Variants in LRP1B observed in about 807,000 individuals in gnomAD.
The protein encoded by LRP1B is LDL receptor related protein 1B.
A neutral mutation model predicts 556.6 loss-of-function variants in LRP1B; 217 were observed. That is an observed-to-expected ratio of 0.39 (90% confidence interval 0.35 to 0.44). The LOEUF is 0.44. Ranked by LOEUF, LRP1B falls within the 20% of genes least tolerant of loss-of-function variation. The pLI, the probability that LRP1B is intolerant of heterozygous loss-of-function variation, is 1.00. For synonymous variants in LRP1B, 2,047 were observed against 1,865.8 expected, an observed-to-expected ratio of 1.10 and a Z score of -2.50; for missense variants, 5,053 against 5,620.8, an observed-to-expected ratio of 0.90 and a Z score of 3.23.
rs140187427 is a variant in LRP1B, at chr2:141,148,850, G to A, written c.1013+39571C>T. On this transcript the variant is annotated intron_variant, in intron 7 of 90. Coordinates refer to ENST00000389484, the MANE Select transcript of LRP1B (RefSeq NM_018557.3). ...TGTAATCCCAACACTGTGGGAGGCC[G>A]AGGCAGGCGGATCACTTGAGGTTGG... is the stretch of plus-strand genomic sequence containing the variant. Among the ~76,000 whole-genome samples the A allele has an allele frequency of 6.7e-4, 102 of 152,274 alleles. 2 individuals carry two copies. In the East Asian group the frequency reaches 9.1e-3, roughly 14 times the overall value.
chr2:141,915,781 C>G, intron 1 of LRP1B, among the ~76,000 whole-genome samples: 1 of 152,180 alleles, frequency 6.6e-6, no homozygotes, highest in Non-Finnish European at 1.5e-5. Flanking sequence ...AAGACATCAA[C>G]AGGCACTTCT....
At chr2:140,786,503 T>C (rs768885877) in intron 32 of LRP1B, among the ~76,000 whole-genome samples, 10 of 152,234 alleles carry the variant, frequency 6.6e-5, no homozygotes, top group Non-Finnish European at 1.2e-4. Context: ...GCTTCTCTTC[T>C]GTGTGGGAGC....
At chr2:141,495,395 A>G (rs1683476161) in intron 2 of LRP1B, among the ~76,000 whole-genome samples, 1 of 152,138 alleles carries the variant, frequency 6.6e-6, no homozygotes, top group Non-Finnish European at 1.5e-5. Context: ...CTGAAACAAG[A>G]AGGTTAAGAA....
intron 1 of LRP1B, among the ~76,000 whole-genome samples, chr2:141,974,187 A>G (rs1463254865): frequency 6.7e-6 from 1 of 150,116 alleles, no homozygotes; most frequent in Non-Finnish European, 1.5e-5. Context: ...GAGAAACTCT[A>G]CACCCAGAAC....
At chr2:140,456,663 A>C in intron 61 of LRP1B, 60 bp from the exon 62 acceptor site, 2 of 1,483,700 alleles carry the variant, frequency 1.3e-6, no homozygotes, top group Non-Finnish European at 1.8e-6. Flanking sequence ...ATAATATAAC[A>C]TGGGATTAGA....
rs1156302770 is a variant in LRP1B at position 141,570,685 on chromosome 2, CTA to C, written c.206-90154_206-90153del. ...GTTGGGGGAAGGGCGGCATCCATCT[CTA>C]TAGCTTCAGGCTGTGCTTTTCCCCC... On this transcript the variant is annotated intron_variant, in intron 2 of 90. Transcript: ENST00000389484. 1.3e-5 allele frequency among the ~76,000 whole-genome samples: 2 copies of C among 151,376 alleles called. 1 individual carries two copies. Among genetic ancestry groups the C allele is most frequent in the Non-Finnish European group, 3.0e-5 (2 of 67,476 alleles).
chr2:141,059,414 C>T (rs1699276701), intron 8 of LRP1B, among the ~76,000 whole-genome samples: 1 of 151,646 alleles, frequency 6.6e-6, no homozygotes, highest in Non-Finnish European at 1.5e-5. Flanking sequence ...ATTTTAAGGG[C>T]TACTTGTTTA....
intron 1 of LRP1B, among the ~76,000 whole-genome samples, chr2:142,008,771 A>G (rs1574588213): frequency 6.6e-6 from 1 of 151,892 alleles, no homozygotes; most frequent in African/African-American, 2.4e-5. Context: ...CTGAATCTTA[A>G]TTTTTACTCA....
intron 43 of LRP1B, among the ~76,000 whole-genome samples, chr2:140,581,349 T>C (rs7600406): frequency 0.63 from 95,490 of 151,994 alleles, 30,220 homozygotes; most frequent in Admixed American, 0.7. Flanking sequence ...TAACTATTTC[T>C]TTTCCAACTC....
intron 1 of LRP1B, among the ~76,000 whole-genome samples, chr2:142,036,492 A>G (rs530208765): frequency 1.4e-4 from 22 of 151,790 alleles, no homozygotes; most frequent in Admixed American, 5.9e-4. Flanking sequence ...TGGTATTATT[A>G]TAATGGACAG....
At chr2:141,183,409 T>C (rs535612182) in intron 7 of LRP1B, among the ~76,000 whole-genome samples, 2 of 152,182 alleles carry the variant, frequency 1.3e-5, no homozygotes, top group South Asian at 4.1e-4. Flanking sequence ...ATTCAATCTT[T>C]AATTTCTCAG....
chr2:141,699,490 A>G (rs1053548990), intron 2 of LRP1B, among the ~76,000 whole-genome samples: 3 of 151,728 alleles, frequency 2.0e-5, no homozygotes, highest in African/African-American at 7.3e-5. Context: ...TACAATTTTG[A>G]GCCGCTTAAT....
At chr2:142,077,854 T>C (rs1574659534) in intron 1 of LRP1B, among the ~76,000 whole-genome samples, 1 of 152,158 alleles carries the variant, frequency 6.6e-6, no homozygotes, top group African/African-American at 2.4e-5. Flanking sequence ...AAAAGTGAAT[T>C]AGTTTAATGG....
chr2:141,504,962 T>A (rs1346708157), intron 2 of LRP1B, among the ~76,000 whole-genome samples: 1 of 152,096 alleles, frequency 6.6e-6, no homozygotes, highest in Non-Finnish European at 1.5e-5. Flanking sequence ...AGATAGGACA[T>A]TTCCATCCTC....
intron 83 of LRP1B, among the ~76,000 whole-genome samples, chr2:140,306,258 A>G (rs1684060637): frequency 6.6e-6 from 1 of 152,010 alleles, no homozygotes; most frequent in Non-Finnish European, 1.5e-5. Flanking sequence ...TTCCGGTAGA[A>G]TTTGGCTGTG....
intron 35 of LRP1B, among the ~76,000 whole-genome samples, chr2:140,768,316 T>C (rs1017547266): frequency 4.6e-5 from 7 of 151,910 alleles, no homozygotes; most frequent in African/African-American, 1.7e-4. Context: ...ATTACAATGA[T>C]TCTTTTTTTT....
intron 7 of LRP1B, among the ~76,000 whole-genome samples, chr2:141,131,407 T>TTATATATATATATATA (rs67661603): frequency 0.039 from 4,308 of 110,372 alleles, 171 homozygotes; most frequent in East Asian, 0.051. Context: ...ATGCATAAAG[T>TTATATATATATATATA]TATATATATA....
chr2:141,640,621 C>T (rs1477876285), intron 2 of LRP1B, among the ~76,000 whole-genome samples: 1 of 152,096 alleles, frequency 6.6e-6, no homozygotes, highest in East Asian at 1.9e-4. Context: ...GCCTGGCCAA[C>T]ATGGTGAAAC....
intron 7 of LRP1B, among the ~76,000 whole-genome samples, chr2:141,072,583 G>C (rs1191330536): frequency 6.6e-6 from 1 of 151,902 alleles, no homozygotes; most frequent in Non-Finnish European, 1.5e-5. Context: ...CCACTTGACT[G>C]TCTGTTTACT....
Sources: allele counts gnomAD v4.1 joint callset (sites outside exome capture counted in the v4.1 genomes callset), GRCh38; gene constraint gnomAD v4.1.1; transcripts MANE v1.5; gene names NCBI Gene and HGNC (gene_info 2026-07-23, HGNC 2026-07-21).